RIPOR3: variants seen among roughly 807,000 people sequenced by gnomAD.
RIPOR3 encodes the protein RIPOR family member 3.
In RIPOR3, 95 loss-of-function variants were observed where a neutral mutation model predicts 114.3. That is an observed-to-expected ratio of 0.83 (90% CI 0.70 to 0.99). RIPOR3 has a LOEUF of 0.99. Among genes scored for constraint, RIPOR3 ranks in the 50% least tolerant of loss-of-function variants. The pLI is 0.00. For synonymous variants in RIPOR3, 575 were observed against 543.8 expected (o/e 1.06, Z -0.80); for missense variants, 1,252 against 1,266.9 (o/e 0.99, Z 0.18).
intron 1 of RIPOR3, among the ~76,000 whole-genome samples, chr20:50,647,321 A>C (rs1395983646): frequency 1.3e-5 from 2 of 151,958 alleles, no homozygotes. Flanking sequence ...ACTCCATCTC[A>C]AAAGAAAAAA....
intron 1 of RIPOR3, among the ~76,000 whole-genome samples, chr20:50,632,193 CAT>C (rs1341846405): frequency 6.6e-6 from 1 of 152,180 alleles, no homozygotes; most frequent in African/African-American, 2.4e-5. Context: ...CACAGCCCCA[CAT>C]GTGCCGTACA....
In RIPOR3 at chr20:50,666,075, A is replaced by G. The variant is rs551094244; in HGVS notation, c.3+25051T>C. On this transcript the variant is annotated intron_variant, in intron 1 of 21. Coordinates refer to ENST00000327979, the MANE Select transcript of RIPOR3 (RefSeq NM_001290268.2). ...TTTTTCCATTCAGGCCCCAGAATGA[A>G]GACCAAGGAAGGGTTTATTAACATG... Among the ~76,000 whole-genome samples the G allele has an allele frequency of 3.3e-5, 5 of 151,582 alleles. No individual in the cohort carries two copies. The East Asian group carries it at 9.8e-4, about 30-fold the overall frequency.
At chr20:50,630,920 A>G (rs2084800242) in intron 1 of RIPOR3, 64 bp from the exon 2 acceptor site, 1 of 1,324,494 alleles carries the variant, frequency 7.6e-7, no homozygotes, top group East Asian at 2.5e-5. Context: ...TCCGCAGGCC[A>G]GCCACCTTCC....
chr20:50,670,158 C>CAAAA (rs34360499), intron 1 of RIPOR3, among the ~76,000 whole-genome samples: 10 of 49,168 alleles, frequency 2.0e-4, no homozygotes, highest in South Asian at 7.2e-4. Context: ...AACTCCATCT[C>CAAAA]AAAAAAAAAA....
At chr20:50,589,172 ATGTT>A (rs1194546987) in intron 20 of RIPOR3, among the ~76,000 whole-genome samples, 3 of 151,388 alleles carry the variant, frequency 2.0e-5, no homozygotes, top group Non-Finnish European at 4.4e-5. Flanking sequence ...TTTTTAAACT[ATGTT>A]TGGATCAACA....
chr20:50,593,749 C>T (rs1336141818), intron 17 of RIPOR3, among the ~76,000 whole-genome samples: 1 of 152,136 alleles, frequency 6.6e-6, no homozygotes. Flanking sequence ...GGATCAAAAT[C>T]CCGGAGGCAG....
rs760014525 is a variant in RIPOR3 at position 50,608,921 on chromosome 20, G to A, written c.675C>T (p.Asp225=). ...CAGAGAGTGGCCGTACCTCATAGTG[G>A]TCTCCGGGACAGAGGCGTGCGTAGC... is the stretch of plus-strand genomic sequence containing the variant. ...LVGYARLCPG[D]HYEVLMRLGR... is the part of the protein sequence containing the mutation. Residue 225 remains aspartate (D), a synonymous_variant, in exon 9 of 22, where the codon GAC becomes GAT. Transcript: ENST00000327979. 111 of 1,594,586 alleles carry A rather than the reference G, an allele frequency of 7.0e-5. No individual in the cohort carries two copies. The highest frequency in any genetic ancestry group is 8.8e-5 in the Non-Finnish European group (103 of 1,171,060).
rs530035771 is a variant in RIPOR3, at chr20:50,643,162, G to A, written c.4-12306C>T. On this transcript the variant is annotated intron_variant, in intron 1 of 21. Transcript: ENST00000327979. Reference sequence around the variant, plus strand: ...TTTTGAGATGGAGTCTCGCTCTGTCGCCCAGGCGGAAGTGCAGTGGCTGGA... The same window carrying A: ...TTTTGAGATGGAGTCTCGCTCTGTCACCCAGGCGGAAGTGCAGTGGCTGGA... Among the ~76,000 whole-genome samples, 132 of 147,156 alleles carry A rather than the reference G, an allele frequency of 9.0e-4. 1 individual carries two copies. Among genetic ancestry groups the A allele is most frequent in the African/African-American group, 3.1e-3 (123 of 39,332 alleles).
At chr20:50,607,741 C>G (rs2083774878) in intron 11 of RIPOR3, among the ~76,000 whole-genome samples, 1 of 152,172 alleles carries the variant, frequency 6.6e-6, no homozygotes, top group African/African-American at 2.4e-5. Context: ...TTGTGACCCC[C>G]AGCTCGGACA....
chr20:50,616,947 C>T (rs2084195989), intron 3 of RIPOR3, among the ~76,000 whole-genome samples: 1 of 152,124 alleles, frequency 6.6e-6, no homozygotes, highest in South Asian at 2.1e-4. Flanking sequence ...TCGAGACCAT[C>T]CTGGCTAACA....
rs1486304429 is a variant in RIPOR3 at position 50,593,037 on chromosome 20, T to A, written c.2372A>T (p.Glu791Val). ...ACAGCCACCCACCCCAGTCTTACCT[T>A]CCTTGGTGAGCTGGGTGAAGTGCTT... The part of the protein sequence containing the change: ...LEKHFTQLTK[E>V]VTLIEELHCA... The change falls in exon 18 of 22, where the codon GAA becomes GTA. Residue 791 changes from glutamate to valine, a missense_variant and splice_region_variant. Coordinates refer to ENST00000327979, the MANE Select transcript of RIPOR3 (RefSeq NM_001290268.2). 5 of 1,613,878 alleles carry A rather than the reference T, an allele frequency of 3.1e-6. No homozygotes were observed. The highest frequency in any genetic ancestry group is 4.2e-6 in the Non-Finnish European group (5 of 1,180,022).
At position 50,616,057 on chromosome 20, in the gene RIPOR3, G is replaced by A; in HGVS notation, c.293C>T (p.Ala98Val). The A allele has an allele frequency of 6.2e-7, 1 of 1,612,018 alleles. No homozygotes were observed. The highest frequency in any genetic ancestry group is 1.1e-5 in the South Asian group (1 of 90,358). ...GCGTCCAGACAGGTGGTCCAGCTCAGCCTGCTGCACACACAGATACTCCCT... is the reference window on the plus strand; with the variant it reads ...GCGTCCAGACAGGTGGTCCAGCTCAACCTGCTGCACACACAGATACTCCCT... ...GLKEYLCVQQ[A>V]ELDHLSGRHK... The change falls in exon 4 of 22, where the codon GCT becomes GTT. Residue 98 changes from alanine (A) to valine (V), a missense_variant. By Grantham distance (64) the Ala-to-Val change is moderately conservative. Transcript: ENST00000327979.
intron 1 of RIPOR3, among the ~76,000 whole-genome samples, chr20:50,672,106 A>C (rs1330381974): frequency 2.0e-5 from 3 of 152,146 alleles, no homozygotes; most frequent in African/African-American, 7.2e-5. Flanking sequence ...TGTGAATATC[A>C]CAGAATCAGG....
chr20:50,651,549 G>C (rs1020301272), intron 1 of RIPOR3, among the ~76,000 whole-genome samples: 1 of 152,214 alleles, frequency 6.6e-6, no homozygotes, highest in Admixed American at 6.5e-5. Context: ...TAGTCTGGTG[G>C]TTAGAGACAA....
intron 4 of RIPOR3, among the ~76,000 whole-genome samples, chr20:50,614,193 G>A (rs1048422061): frequency 1.2e-4 from 19 of 152,010 alleles, no homozygotes; most frequent in Non-Finnish European, 1.6e-4. Context: ...CCGCCACCAC[G>A]CCTGGCTAAT....
intron 1 of RIPOR3, among the ~76,000 whole-genome samples, chr20:50,677,385 T>G (rs1471827001): frequency 1.3e-5 from 2 of 149,550 alleles, no homozygotes; most frequent in Non-Finnish European, 3.0e-5. Context: ...TTTTTTTTTT[T>G]TTTTAGACCG....
intron 1 of RIPOR3, chr20:50,662,233 G>A (rs1422766054): frequency 6.6e-6 from 1 of 152,256 alleles, no homozygotes; most frequent in Non-Finnish European, 1.5e-5. Context: ...CAGAGAAGAA[G>A]GGAAAAGCCA....
At position 50,687,261 on chromosome 20, in the gene RIPOR3, T is replaced by C. The variant is rs138954452; in HGVS notation, c.3+3865A>G. Among the ~76,000 whole-genome samples, 973 of 152,368 alleles carry C rather than the reference T, an allele frequency of 6.4e-3. 8 individuals carry two copies. The highest frequency in any genetic ancestry group is 0.022 in the African/African-American group (932 of 41,582). ...GGAGCTGGGGCCCACATGCCGCTAG[T>C]GTAGACAGGATCTCTACTCCACCCG... On this transcript the variant is annotated intron_variant, in intron 1 of 21. Coordinates refer to ENST00000327979, the MANE Select transcript of RIPOR3 (RefSeq NM_001290268.2).
chr20:50,676,424 G>A (rs1228234549), intron 1 of RIPOR3, among the ~76,000 whole-genome samples: 1 of 152,126 alleles, frequency 6.6e-6, no homozygotes, highest in Non-Finnish European at 1.5e-5. Flanking sequence ...TGCTAAGGCA[G>A]GAGGTTCGCT....
Sources: gnomAD v4.1 joint callset for allele counts (sites outside exome capture counted in the v4.1 genomes callset) on GRCh38, gnomAD v4.1.1 for gene constraint, MANE v1.5 for transcripts, NCBI Gene and HGNC (gene_info 2026-07-23, HGNC 2026-07-21) for gene names.